Variants in MYO9A observed in about 807,000 individuals in gnomAD.
MYO9A encodes the protein unconventional myosin-IXa.
Under a neutral mutation model 293.3 loss-of-function variants are expected in MYO9A, and 103 were observed. The ratio of observed to expected loss-of-function variants is 0.35; its 90% CI spans 0.30 to 0.41. The LOEUF (loss-of-function observed/expected upper bound fraction) is 0.41, where lower values mean the gene tolerates loss of function less well. MYO9A is among the 10% of genes least tolerant of loss of function. The pLI, the probability that MYO9A is intolerant of heterozygous loss-of-function variation, is 1.00. For missense variants in MYO9A, 2,685 were observed against 3,033.0 expected (o/e 0.89, Z 2.69); for synonymous variants, 1,001 against 1,035.7 (o/e 0.97, Z 0.64).
intron 6 of MYO9A, among the ~76,000 whole-genome samples, chr15:72,014,209 G>A (rs1398621716): frequency 6.6e-6 from 1 of 152,196 alleles, no homozygotes; most frequent in Non-Finnish European, 1.5e-5. Context: ...TTGCTCCTAT[G>A]GTGGTGAAGC....
At position 71,824,550 on chromosome 15, in the gene MYO9A, T is replaced by G. The variant is rs1201886752; in HGVS notation, c.*2030A>C. On this transcript the variant is annotated 3_prime_UTR_variant, in exon 42 of 42. Transcript: ENST00000356056. ...ACACTGAAACACAGACTGTGCAACC[T>G]GGCACGGGGCTGAGGAACCAGCAAT... is the stretch of plus-strand genomic sequence containing the variant. 2.0e-5 allele frequency: 3 copies of G among 152,220 alleles called. No homozygotes were observed. Among genetic ancestry groups the G allele is most frequent in the Non-Finnish European group, 4.4e-5 (3 of 68,072 alleles). 9.4% of individuals were successfully genotyped at this position (152,220 alleles called of 1,614,324 possible).
intron 11 of MYO9A, among the ~76,000 whole-genome samples, chr15:71,982,256 G>A (rs1476632433): frequency 3.3e-5 from 5 of 151,842 alleles, no homozygotes; most frequent in Admixed American, 6.6e-5. Context: ...TCCTGACCTC[G>A]TGATCTGCCC....
intron 12 of MYO9A, among the ~76,000 whole-genome samples, chr15:71,971,486 C>T (rs1213315851): frequency 6.6e-6 from 1 of 151,440 alleles, no homozygotes; most frequent in Non-Finnish European, 1.5e-5. Flanking sequence ...ACTCAGGAGG[C>T]TGAGGCGAGA....
intron 6 of MYO9A, among the ~76,000 whole-genome samples, chr15:72,013,434 G>C (rs1355391520): frequency 6.6e-6 from 1 of 152,194 alleles, no homozygotes; most frequent in Non-Finnish European, 1.5e-5. Flanking sequence ...TGGTCAGCCA[G>C]AGTTCAAGGA....
At chr15:71,896,049 G>T (rs1050587691) in intron 25 of MYO9A, among the ~76,000 whole-genome samples, 5 of 152,134 alleles carry the variant, frequency 3.3e-5, no homozygotes, top group Non-Finnish European at 7.4e-5. Flanking sequence ...GGATGCATAT[G>T]CTACACAGAG....
chr15:71,971,004 C>CA (rs958118701), intron 12 of MYO9A, among the ~76,000 whole-genome samples: 4 of 151,204 alleles, frequency 2.6e-5, no homozygotes, highest in African/African-American at 9.7e-5. Context: ...TGAAAAAACA[C>CA]AAAAAAATTA....
In MYO9A at chr15:72,070,163, C is replaced by A. The variant is rs538001828; in HGVS notation, c.-71-23529G>T. Among the ~76,000 whole-genome samples, 15 of 150,686 alleles carry A rather than the reference C, an allele frequency of 1.0e-4. 1 individual carries two copies. The South Asian group carries it at 2.9e-3, about 30-fold the overall frequency. ...AAAAAAAAAAAGAATGAACGTAGGCCCAGCGAGGTGGCTCATGCCTGTAAT... is the reference window on the plus strand; with the variant it reads ...AAAAAAAAAAAGAATGAACGTAGGCACAGCGAGGTGGCTCATGCCTGTAAT... On this transcript the variant is annotated intron_variant, in intron 1 of 41. Coordinates refer to ENST00000356056, the MANE Select transcript of MYO9A (RefSeq NM_006901.4).
In MYO9A at chr15:71,823,756, T is replaced by G. The variant is rs1183592025; in HGVS notation, c.*2824A>C. ...GGTTTTGTTTGGGGCTGGGAATGTG[T>G]GCTGTGAGAAGAGTGCTCTGCATTT... On this transcript the variant is annotated 3_prime_UTR_variant, in exon 42 of 42. Transcript: ENST00000356056. 2 of 152,230 alleles carry G rather than the reference T, an allele frequency of 1.3e-5. No homozygotes were observed. The highest frequency in any genetic ancestry group is 2.4e-5 in the African/African-American group (1 of 41,456). The allele number at this position is 152,230 out of a possible 1,614,324, so 9.4% of individuals were successfully genotyped here.
Position 71,826,750 on chromosome 15 carries a change from AGGTTCCTCTGCTGAT to A in MYO9A, c.7462_7476del (p.Ile2488_Thr2492del). On this transcript the variant is annotated inframe_deletion, in exon 42 of 42. Coordinates refer to ENST00000356056, the MANE Select transcript of MYO9A (RefSeq NM_006901.4). ...TTTTGTTTGCCCTTTTCCGGGTTGA[AGGTTCCTCTGCTGAT>A]GAACTGAGGCTTGTCTTCCAGGAAT... is the stretch of plus-strand genomic sequence containing the variant. 6.2e-7 allele frequency: 1 copy of A among 1,614,082 alleles called. No homozygotes were observed. The highest frequency in any genetic ancestry group is 8.5e-7 in the Non-Finnish European group (1 of 1,179,996).
At chr15:71,837,349 A>T (rs2054984730) in intron 39 of MYO9A, among the ~76,000 whole-genome samples, 1 of 152,148 alleles carries the variant, frequency 6.6e-6, no homozygotes, top group Non-Finnish European at 1.5e-5. Context: ...AAGAAAAACA[A>T]GCTAAAAACA....
intron 18 of MYO9A, among the ~76,000 whole-genome samples, chr15:71,920,982 A>G (rs2058142102): frequency 6.6e-6 from 1 of 152,176 alleles, no homozygotes; most frequent in Non-Finnish European, 1.5e-5. Flanking sequence ...AAGTGACTAT[A>G]AAAACGTACT....
chr15:71,933,733 A>C (rs1437800047), intron 17 of MYO9A, 24 bp from the exon 18 acceptor site: 2 of 1,584,720 alleles, frequency 1.3e-6, no homozygotes. Context: ...TCATTCATTA[A>C]AAAAAGCTAC....
intron 26 of MYO9A, 141 bp from the exon 27 acceptor site, chr15:71,888,257 T>C (rs1212487680): frequency 2.7e-5 from 13 of 472,780 alleles, no homozygotes; most frequent in Admixed American, 2.0e-4. Flanking sequence ...ATTGAAATAA[T>C]AGAGCCTACT....
intron 1 of MYO9A, among the ~76,000 whole-genome samples, chr15:72,098,409 A>C (rs1338028064): frequency 1.3e-5 from 2 of 152,186 alleles, no homozygotes; most frequent in Non-Finnish European, 2.9e-5. Flanking sequence ...TGGTTATGCA[A>C]CAATAGATAA....
Position 71,897,559 on chromosome 15 carries a change from C to G in MYO9A, c.4944G>C (p.Arg1648Ser). ...AATTGTGGCTGTAAGACTGAGTTGG[C>G]CTAAAGTGTTCTCTTTTTGAAATGC... ...NNRISKREHFRPTQSYSHNSD... is the reference protein window; with the variant it reads ...NNRISKREHFSPTQSYSHNSD... The change falls in exon 25 of 42, where the codon AGG becomes AGC. Residue 1648 changes from arginine to serine, a missense_variant. Transcript: ENST00000356056. 1.2e-6 allele frequency: 2 copies of G among 1,614,088 alleles called. No homozygotes were observed. The highest frequency in any genetic ancestry group is 2.2e-5 in the South Asian group (2 of 91,076).
chr15:72,004,655 T>C (rs2076967245), intron 8 of MYO9A, among the ~76,000 whole-genome samples: 1 of 152,234 alleles, frequency 6.6e-6, no homozygotes, highest in Admixed American at 6.5e-5. Context: ...GAACAGTTTT[T>C]GGTAATGATG....
chr15:71,874,798 C>T (rs2056631874), intron 32 of MYO9A, among the ~76,000 whole-genome samples: 1 of 152,164 alleles, frequency 6.6e-6, no homozygotes, highest in Non-Finnish European at 1.5e-5. Context: ...TTAAGCCAAT[C>T]AAAGCAACTG....
intron 16 of MYO9A, among the ~76,000 whole-genome samples, chr15:71,937,509 T>C (rs1487732817): frequency 6.6e-6 from 1 of 152,168 alleles, no homozygotes; most frequent in Non-Finnish European, 1.5e-5. Context: ...AAGTATTTTT[T>C]AATTAAGGTG....
At chr15:72,094,199 A>G (rs1237431946) in intron 1 of MYO9A, among the ~76,000 whole-genome samples, 6 of 88,824 alleles carry the variant, frequency 6.8e-5, no homozygotes, top group African/African-American at 1.6e-4. Context: ...ACAGAGCAAG[A>G]ACTTGTCAAA....
Sources: gnomAD v4.1 joint callset for allele counts (sites outside exome capture counted in the v4.1 genomes callset) on GRCh38, gnomAD v4.1.1 for gene constraint, MANE v1.5 for transcripts, NCBI Gene and HGNC (gene_info 2026-07-23, HGNC 2026-07-21) for gene names.